Variants in CCNH observed in about 807,000 individuals in gnomAD.
CCNH encodes the protein cyclin H.
CCNH carries 31 observed loss-of-function variants against 41.9 expected under a neutral mutation model. The ratio of observed to expected loss-of-function variants is 0.74; its 90% CI spans 0.56 to 1.00. The LOEUF (loss-of-function observed/expected upper bound fraction) is 1.00, where lower values mean the gene tolerates loss of function less well. Among genes scored for constraint, CCNH ranks in the 50% least tolerant of loss-of-function variants. The pLI is 0.00. For missense variants in CCNH, 362 were observed against 388.4 expected (o/e 0.93, Z 0.57); for synonymous variants, 138 against 136.1 (o/e 1.01, Z -0.10).
At chr5:87,313,933 T>C (rs1232460200), downstream of CCNH, among the ~76,000 whole-genome samples, 1 of 152,112 alleles carries the variant, frequency 6.6e-6, no homozygotes, top group Non-Finnish European at 1.5e-5. Context: ...TTTGGGAGGC[T>C]GAGGTGGGCG....
At chr5:87,394,522 A>T (rs1256847032) in intron 8 of CCNH, 38 bp from the exon 9 acceptor site, 2 of 1,611,188 alleles carry the variant, frequency 1.2e-6, no homozygotes, top group East Asian at 4.5e-5. Context: ...ATAACACTGA[A>T]GCATAACCAG....
chr5:87,394,489 G>C lies in CCNH; in HGVS notation c.934-5C>G. 1 of 1,612,800 alleles carries C rather than the reference G, an allele frequency of 6.2e-7. No homozygotes were observed. The highest frequency in any genetic ancestry group is 1.1e-5 in the South Asian group (1 of 90,964). On this transcript the variant is annotated splice_region_variant and splice_polypyrimidine_tract_variant and intron_variant, in intron 8 of 8. Coordinates refer to ENST00000256897, the MANE Select transcript of CCNH (RefSeq NM_001239.4). The stretch of plus-strand genomic sequence containing the variant: ...GTCGTCATCAGTCCATTCTTCCTAA[G>C]AAGGAAAAAAAGTGTGGTAAGGATA...
At chr5:87,409,188 TTC>T (rs150775288) in intron 3 of CCNH, 100 bp downstream of exon 3, 9,652 of 533,776 alleles carry the variant, frequency 0.018, 2 homozygotes, top group South Asian at 0.032. Flanking sequence ...AGGAAGTCAG[TTC>T]TCTCTCTCTC....
At chr5:87,342,909 T>G (rs988021209) in intron 9 of CCNH, among the ~76,000 whole-genome samples, 3 of 152,206 alleles carry the variant, frequency 2.0e-5, no homozygotes, top group Non-Finnish European at 2.9e-5. Flanking sequence ...CATTTAAAGC[T>G]ACATCAGTTT....
At chr5:87,322,150 T>A (rs1354352105) in intron 9 of CCNH, among the ~76,000 whole-genome samples, 3 of 152,050 alleles carry the variant, frequency 2.0e-5, no homozygotes, top group African/African-American at 7.2e-5. Context: ...AAGTGAGAGC[T>A]GGTTGTTTAA....
At chr5:87,364,445 GT>G (rs1335559227) in intron 9 of CCNH, among the ~76,000 whole-genome samples, 2 of 152,108 alleles carry the variant, frequency 1.3e-5, no homozygotes, top group South Asian at 2.1e-4. Context: ...TTTAGCTAGT[GT>G]TTATATTGTG....
intron 9 of CCNH, among the ~76,000 whole-genome samples, chr5:87,365,608 T>TTATA (rs1437322791): frequency 6.6e-6 from 1 of 152,074 alleles, no homozygotes; most frequent in Non-Finnish European, 1.5e-5. Flanking sequence ...TTTTACTACT[T>TTATA]TATAATTAGC....
chr5:87,333,368 AT>A, intron 9 of CCNH: 1 of 1,609,192 alleles, frequency 6.2e-7, no homozygotes, highest in African/African-American at 1.3e-5. Flanking sequence ...ATGTATAGGC[AT>A]TTGAAAGAGC....
intron 9 of CCNH, among the ~76,000 whole-genome samples, chr5:87,350,973 G>A (rs1759222005): frequency 6.6e-6 from 1 of 151,526 alleles, no homozygotes; most frequent in African/African-American, 2.4e-5. Flanking sequence ...ATAATTCCTA[G>A]GAAGATAAAT....
chr5:87,386,956 G>T, downstream of CCNH: 1 of 1,435,110 alleles, frequency 7.0e-7, no homozygotes, highest in South Asian at 1.2e-5. Context: ...TGATATAGCT[G>T]AGTTAACCCA....
chr5:87,389,410 G>A (rs761753589), downstream of CCNH: 8 of 1,614,006 alleles, frequency 5.0e-6, no homozygotes, highest in Admixed American at 3.3e-5. Context: ...CTGAACTTCC[G>A]GACACTACAG....
At chr5:87,394,844 T>G in intron 8 of CCNH, 200 bp downstream of exon 8, 1 of 1,372,376 alleles carries the variant, frequency 7.3e-7, no homozygotes, top group Non-Finnish European at 9.4e-7. Flanking sequence ...ACAGGAAGGA[T>G]TCTTCATTAA....
chr5:87,388,580 A>G (rs1328813837), downstream of CCNH, among the ~76,000 whole-genome samples: 3 of 152,198 alleles, frequency 2.0e-5, no homozygotes, highest in African/African-American at 7.2e-5. Context: ...ATTTTGGGTG[A>G]TATTCAACCT....
In CCNH at chr5:87,353,103, A is replaced by G. The variant is rs115510283; in HGVS notation, c.*91-34206T>C. Reference sequence around the variant, plus strand: ...GCAAGAAAGTTTACACATATTTTTAAAGATTTTGCAGTTTTATGAGACAGA... The same window carrying G: ...GCAAGAAAGTTTACACATATTTTTAGAGATTTTGCAGTTTTATGAGACAGA... On this transcript the variant is annotated intron_variant and NMD_transcript_variant, in intron 9 of 9. Transcript: ENST00000645953. The G allele has an allele frequency of 1.8e-3, 2,589 of 1,403,496 alleles. 37 individuals are homozygous for G. The African/African-American group carries it at 0.031, about 17-fold the overall frequency. 86.9% of individuals were successfully genotyped at this position (1,403,496 alleles called of 1,614,324 possible).
downstream of CCNH, chr5:87,387,019 A>G: frequency 2.0e-6 from 2 of 1,000,230 alleles, no homozygotes; most frequent in Non-Finnish European, 1.5e-6. Context: ...AAAGACAAAA[A>G]GCCTGCAAAT....
At chr5:87,376,648 A>G (rs1580386262) in exon 1 of CCNH, 1 of 1,467,958 alleles carries the variant, frequency 6.8e-7, no homozygotes, top group East Asian at 2.4e-5. Flanking sequence ...TAAGGTAAAC[A>G]TAGTAATTCA....
intron 9 of CCNH, among the ~76,000 whole-genome samples, chr5:87,321,035 GT>G (rs543153338): frequency 1.3e-5 from 2 of 152,138 alleles, no homozygotes; most frequent in Non-Finnish European, 2.9e-5. Context: ...TAAGCCTGTG[GT>G]TTAGGAAGAA....
chr5:87,371,147 T>G (rs897252732), intron 9 of CCNH, among the ~76,000 whole-genome samples: 4 of 152,144 alleles, frequency 2.6e-5, no homozygotes, highest in African/African-American at 9.7e-5. Context: ...ATAATGACAT[T>G]TCAGCATGTT....
chr5:87,406,853 T>C (rs190271599), intron 4 of CCNH, among the ~76,000 whole-genome samples: 2 of 152,268 alleles, frequency 1.3e-5, no homozygotes, highest in East Asian at 1.9e-4. Flanking sequence ...GCCTGACACA[T>C]ACAGATGCGC....
Sources: gnomAD v4.1 joint callset for allele counts (sites outside exome capture counted in the v4.1 genomes callset) on GRCh38, gnomAD v4.1.1 for gene constraint, MANE v1.5 for transcripts, NCBI Gene and HGNC (gene_info 2026-07-23, HGNC 2026-07-21) for gene names.